The following KCTD8 variants were observed in gnomAD, a reference collection of about 807,000 sequenced individuals.
KCTD8 encodes the protein BTB/POZ domain-containing protein KCTD8.
Under a neutral mutation model 31.5 loss-of-function variants are expected in KCTD8, and 27 were observed. That is an observed-to-expected ratio of 0.86 (90% confidence interval 0.63 to 1.18). The LOEUF is 1.18. Ranked by LOEUF, KCTD8 falls within the 50% of genes most tolerant of loss-of-function variation. The pLI is 0.00. For missense variants in KCTD8, 658 were observed against 647.7 expected (o/e 1.02, Z -0.17); for synonymous variants, 290 against 280.0 (o/e 1.04, Z -0.36).
intron 1 of KCTD8, among the ~76,000 whole-genome samples, chr4:44,182,600 AAG>A (rs761552297): frequency 1.1e-4 from 17 of 152,226 alleles, no homozygotes; most frequent in African/African-American, 3.9e-4. Context: ...CATGCTCGTT[AAG>A]AGTCATCAGC....
chr4:44,422,661 G>A (rs1577665832), intron 1 of KCTD8, among the ~76,000 whole-genome samples: 1 of 152,108 alleles, frequency 6.6e-6, no homozygotes, highest in South Asian at 2.1e-4. Context: ...ATAGTAGAAT[G>A]AGATAGGAAG....
At chr4:44,206,941 C>G (rs901380732) in intron 1 of KCTD8, among the ~76,000 whole-genome samples, 2 of 152,146 alleles carry the variant, frequency 1.3e-5, no homozygotes, top group Non-Finnish European at 2.9e-5. Flanking sequence ...AAAAAAATAA[C>G]CATTCAAAAT....
chr4:44,264,941 T>C (rs1392543809), intron 1 of KCTD8, among the ~76,000 whole-genome samples: 1 of 152,190 alleles, frequency 6.6e-6, no homozygotes, highest in African/African-American at 2.4e-5. Context: ...CCTGCCTCTG[T>C]AGGCTCCACC....
At chr4:44,187,676 T>G (rs1478241707) in intron 1 of KCTD8, among the ~76,000 whole-genome samples, 2 of 152,172 alleles carry the variant, frequency 1.3e-5, no homozygotes, top group Non-Finnish European at 2.9e-5. Context: ...TTGTTTCACA[T>G]CTATAAAATG....
chr4:44,197,552 A>T (rs1713986631), intron 1 of KCTD8, among the ~76,000 whole-genome samples: 1 of 152,176 alleles, frequency 6.6e-6, no homozygotes, highest in Non-Finnish European at 1.5e-5. Context: ...TTAGAAAACC[A>T]ATAATAATTT....
At chr4:44,194,506 A>G (rs1406670905) in intron 1 of KCTD8, among the ~76,000 whole-genome samples, 1 of 152,106 alleles carries the variant, frequency 6.6e-6, no homozygotes, top group African/African-American at 2.4e-5. Flanking sequence ...AGCTATATTA[A>G]TGGTTATTCA....
intron 1 of KCTD8, among the ~76,000 whole-genome samples, chr4:44,237,405 A>G (rs967719269): frequency 6.6e-6 from 1 of 152,040 alleles, no homozygotes; most frequent in African/African-American, 2.4e-5. Context: ...ACAGACCATG[A>G]CCCTATGGGT....
chr4:44,174,939 G>C lies in KCTD8; in HGVS notation c.1273C>G (p.Leu425Val). 2 of 1,614,094 alleles carry C rather than the reference G, an allele frequency of 1.2e-6. No individual in the cohort carries two copies. The highest frequency in any genetic ancestry group is 1.7e-6 in the Non-Finnish European group (2 of 1,179,976). Residue 425 changes from leucine to valine, a missense_variant, in exon 2 of 2, where the codon CTG becomes GTG. Physicochemically the swap from Leu to Val is conservative, Grantham distance 32 (BLOSUM62 1). Coordinates refer to ENST00000360029, the MANE Select transcript of KCTD8 (RefSeq NM_198353.3). ...TTCTCACAGACTTTCTTTTTGGACA[G>C]ATTTGTTTCCCGGGACTTGCTGATG... Reference protein sequence around the residue: ...TLISKSRETNLSKKKVCEKLS... With the variant: ...TLISKSRETNVSKKKVCEKLS...
rs150893355 is a variant in KCTD8 at position 44,242,579 on chromosome 4, AAAAC to A, written c.962-67333_962-67330del. ...GGCGAAAGGGCGGGATTCCGTCTCA[AAAAC>A]AAACAAACAAACAAACAAACAAAAC... is the stretch of plus-strand genomic sequence containing the variant. On this transcript the variant is annotated intron_variant, in intron 1 of 1. Transcript: ENST00000360029. 9.2e-4 allele frequency among the ~76,000 whole-genome samples: 140 copies of A among 151,616 alleles called. 1 individual carries two copies. Among genetic ancestry groups the A allele is most frequent in the African/African-American group, 2.6e-3 (107 of 40,976 alleles).
intron 1 of KCTD8, among the ~76,000 whole-genome samples, chr4:44,404,800 C>T (rs149939006): frequency 1.3e-3 from 195 of 152,230 alleles, no homozygotes; most frequent in African/African-American, 4.4e-3. Context: ...TGTTTAAAAT[C>T]GTATAAAAGT....
chr4:44,191,612 A>G (rs957819700), intron 1 of KCTD8, among the ~76,000 whole-genome samples: 2 of 152,102 alleles, frequency 1.3e-5, no homozygotes, highest in African/African-American at 4.8e-5. Context: ...TGTCTGTCCT[A>G]TGAGGTTGAG....
intron 1 of KCTD8, among the ~76,000 whole-genome samples, chr4:44,280,422 G>A (rs563899456): frequency 1.1e-4 from 16 of 152,070 alleles, no homozygotes; most frequent in Non-Finnish European, 1.8e-4. Flanking sequence ...TTCTATCACC[G>A]TCGAGAGCTG....
At chr4:44,409,762 C>A in intron 1 of KCTD8, among the ~76,000 whole-genome samples, 2 of 143,540 alleles carry the variant, frequency 1.4e-5, no homozygotes, top group African/African-American at 2.6e-5. Context: ...CTGAACAGCC[C>A]TCATCTTCAG....
At chr4:44,308,007 A>T (rs746336931) in intron 1 of KCTD8, among the ~76,000 whole-genome samples, 1 of 152,034 alleles carries the variant, frequency 6.6e-6, no homozygotes, top group Admixed American at 6.5e-5. Context: ...TATTACAGTC[A>T]CTATTACTTA....
intron 1 of KCTD8, among the ~76,000 whole-genome samples, chr4:44,397,584 T>A (rs1026659329): frequency 7.2e-5 from 11 of 152,160 alleles, no homozygotes; most frequent in Non-Finnish European, 1.6e-4. Flanking sequence ...GAACCAAGTC[T>A]TAAAGAGATT....
intron 1 of KCTD8, among the ~76,000 whole-genome samples, chr4:44,262,388 T>C (rs531089311): frequency 3.3e-5 from 5 of 151,894 alleles, no homozygotes; most frequent in Non-Finnish European, 4.4e-5. Flanking sequence ...AGAGAGAAAA[T>C]TGTTGACAAA....
intron 1 of KCTD8, among the ~76,000 whole-genome samples, chr4:44,325,818 T>C (rs978521732): frequency 2.6e-5 from 4 of 151,922 alleles, no homozygotes; most frequent in African/African-American, 9.7e-5. Context: ...ATCTCCTTAA[T>C]TCACAGGGGA....
chr4:44,439,162 T>C (rs555854670), intron 1 of KCTD8, among the ~76,000 whole-genome samples: 2 of 152,300 alleles, frequency 1.3e-5, no homozygotes, highest in South Asian at 2.1e-4. Flanking sequence ...GCACACCTAA[T>C]TATGCCAAAT....
At chr4:44,210,110 C>A (rs1714438551) in intron 1 of KCTD8, among the ~76,000 whole-genome samples, 1 of 152,086 alleles carries the variant, frequency 6.6e-6, no homozygotes, top group South Asian at 2.1e-4. Context: ...CATATATTAC[C>A]CTGGGCATTA....
Sources: gnomAD v4.1 joint callset for allele counts (sites outside exome capture counted in the v4.1 genomes callset) on GRCh38, gnomAD v4.1.1 for gene constraint, MANE v1.5 for transcripts, NCBI Gene and HGNC (gene_info 2026-07-23, HGNC 2026-07-21) for gene names.